CERT1: variants seen among roughly 807,000 people sequenced by gnomAD.
CERT1 encodes ceramide transfer protein.
A neutral mutation model predicts 87.9 loss-of-function variants in CERT1; 31 were observed. The observed-to-expected ratio is 0.35, with a 90% CI of 0.27 to 0.48. The LOEUF (loss-of-function observed/expected upper bound fraction) is 0.48, where lower values mean the gene tolerates loss of function less well. CERT1 is among the 20% of genes least tolerant of loss of function. The pLI is 0.99. For missense variants in CERT1, 487 were observed against 758.0 expected, an observed-to-expected ratio of 0.64 and a Z score of 4.20; for synonymous variants, 289 against 250.9, an observed-to-expected ratio of 1.15 and a Z score of -1.44.
chr5:75,385,665 A>G (rs1168287309), intron 13 of CERT1, among the ~76,000 whole-genome samples: 1 of 152,224 alleles, frequency 6.6e-6, no homozygotes, highest in Non-Finnish European at 1.5e-5. Flanking sequence ...ATGTAAAATA[A>G]GCAATAATAC....
Position 75,418,638 on chromosome 5 carries a change from A to G in CERT1, c.679+703T>C, listed in dbSNP as rs183536535. Among the ~76,000 whole-genome samples the G allele has an allele frequency of 1.1e-4, 17 of 152,356 alleles. No homozygotes were observed. In the East Asian group the frequency reaches 2.9e-3, roughly 26 times the overall value. The stretch of plus-strand genomic sequence containing the variant: ...ACAAACTATGGTATATCTATACAAT[A>G]AAATACTACTGAGCTATGAGAAGAA... On this transcript the variant is annotated intron_variant, in intron 6 of 16. Coordinates refer to ENST00000643780, the MANE Select transcript of CERT1 (RefSeq NM_001379029.1).
intron 14 of CERT1, among the ~76,000 whole-genome samples, chr5:75,383,243 T>C (rs1233748089): frequency 6.6e-6 from 1 of 152,096 alleles, no homozygotes; most frequent in East Asian, 1.9e-4. Flanking sequence ...CAGGACAATT[T>C]GTTTATTCCA....
intron 2 of CERT1, among the ~76,000 whole-genome samples, chr5:75,491,176 CCTT>C (rs1236186069): frequency 1.3e-5 from 2 of 151,982 alleles, no homozygotes; most frequent in African/African-American, 4.8e-5. Flanking sequence ...TTTTCAATAT[CCTT>C]CGTTTAATGG....
intron 2 of CERT1, among the ~76,000 whole-genome samples, chr5:75,477,647 T>TAAAAAAAAAAAAAAAAAAAAAAAAAA (rs540588442): frequency 7.8e-5 from 7 of 89,524 alleles, no homozygotes; most frequent in East Asian, 3.5e-4. Flanking sequence ...TAATAAGTTG[T>TAAAAAAAAAAAAAAAAAAAAAAAAAA]AAAAAAAAAA....
At chr5:75,466,262 A>G (rs1373664491) in intron 2 of CERT1, among the ~76,000 whole-genome samples, 4 of 152,184 alleles carry the variant, frequency 2.6e-5, no homozygotes, top group African/African-American at 9.6e-5. Context: ...CACTGTTTCC[A>G]TCAGCATCTG....
At chr5:75,508,635 AAT>A (rs2112481246) in intron 1 of CERT1, among the ~76,000 whole-genome samples, 1 of 152,288 alleles carries the variant, frequency 6.6e-6, no homozygotes, top group Non-Finnish European at 1.5e-5. Context: ...AGGGGAATCA[AAT>A]ATTACTGTGG....
At position 75,474,654 on chromosome 5, in the gene CERT1, A is replaced by T. The variant is rs140300967; in HGVS notation, c.232-15473T>A. ...CTACTAGAGAGACAGTCTCTTTAAC[A>T]AATCGTGTTAGGAAAACTGGATATC... On this transcript the variant is annotated intron_variant, in intron 2 of 16. Coordinates refer to ENST00000643780, the MANE Select transcript of CERT1 (RefSeq NM_001379029.1). 5.6e-3 allele frequency among the ~76,000 whole-genome samples: 848 copies of T among 152,262 alleles called. 4 individuals carry two copies. Among genetic ancestry groups the T allele is most frequent in the African/African-American group, 0.019 (796 of 41,566 alleles).
At chr5:75,435,654 A>G (rs978367539) in intron 3 of CERT1, among the ~76,000 whole-genome samples, 3 of 151,932 alleles carry the variant, frequency 2.0e-5, no homozygotes, top group Non-Finnish European at 2.9e-5. Context: ...AGTTGGGTTT[A>G]GTTGATTGGT....
At chr5:75,419,510 T>A in intron 5 of CERT1, 86 bp from the exon 6 acceptor site, 3 of 874,886 alleles carry the variant, frequency 3.4e-6, no homozygotes, top group East Asian at 2.7e-5. Context: ...CATTTTACTC[T>A]GGATTCTGAT....
At chr5:75,488,029 A>G (rs564425944) in intron 2 of CERT1, among the ~76,000 whole-genome samples, 1 of 152,216 alleles carries the variant, frequency 6.6e-6, no homozygotes, top group South Asian at 2.1e-4. Context: ...ATGAAAACAG[A>G]AAGTACAATG....
At chr5:75,476,476 G>A in intron 2 of CERT1, among the ~76,000 whole-genome samples, 1 of 152,110 alleles carries the variant, frequency 6.6e-6, no homozygotes, top group Admixed American at 6.5e-5. Flanking sequence ...TAACCTCAGA[G>A]CCGCTCTTTC....
At chr5:75,415,169 A>G (rs1763089153) in intron 7 of CERT1, among the ~76,000 whole-genome samples, 1 of 152,218 alleles carries the variant, frequency 6.6e-6, no homozygotes, top group South Asian at 2.1e-4. Context: ...CTGTGTGTAC[A>G]CACATGTGCA....
intron 12 of CERT1, among the ~76,000 whole-genome samples, chr5:75,389,091 C>G (rs1311227603): frequency 6.6e-6 from 1 of 152,122 alleles, no homozygotes; most frequent in Admixed American, 6.5e-5. Context: ...CTCTCAGTCC[C>G]TGCTCTTATT....
intron 5 of CERT1, among the ~76,000 whole-genome samples, chr5:75,422,474 G>A (rs1482089551): frequency 6.6e-6 from 1 of 152,076 alleles, no homozygotes; most frequent in East Asian, 1.9e-4. Flanking sequence ...CAATTAGCTG[G>A]GCATGGTGGT....
intron 3 of CERT1, among the ~76,000 whole-genome samples, chr5:75,439,348 T>G (rs1334713786): frequency 6.6e-6 from 1 of 151,900 alleles, no homozygotes; most frequent in Admixed American, 6.6e-5. Flanking sequence ...GAAAGTGGTA[T>G]AAAACATAGT....
chr5:75,465,108 T>A (rs1371101363), intron 2 of CERT1, among the ~76,000 whole-genome samples: 3 of 152,142 alleles, frequency 2.0e-5, no homozygotes, highest in African/African-American at 7.2e-5. Flanking sequence ...CTTGAAGAGT[T>A]TATATATACA....
intron 5 of CERT1, among the ~76,000 whole-genome samples, chr5:75,424,166 A>G (rs1432286799): frequency 6.6e-6 from 1 of 152,250 alleles, no homozygotes; most frequent in East Asian, 1.9e-4. Context: ...AATTGAAGAT[A>G]TCTTGTTTCT....
chr5:75,379,182 A>AAAC lies in CERT1; in HGVS notation c.*161_*163dup. ...AGGAAACAGAGCAAGACCCTGTTTAAAACAACAACAACGACAACAACAAAA... is the reference window on the plus strand; with the variant it reads ...AGGAAACAGAGCAAGACCCTGTTTAAAACAACAACAACAACGACAACAACAAAA... On this transcript the variant is annotated 3_prime_UTR_variant, in exon 17 of 17. Transcript: ENST00000643780. The AAAC allele has an allele frequency of 1.5e-6, 1 of 656,598 alleles. No homozygotes were observed. The highest frequency in any genetic ancestry group is 2.6e-6 in the Non-Finnish European group (1 of 390,264). 40.7% of individuals were successfully genotyped at this position (656,598 alleles called of 1,614,324 possible).
At position 75,425,490 on chromosome 5, in the gene CERT1, T is replaced by C; in HGVS notation, c.466A>G (p.Ser156Gly). 1 of 1,610,792 alleles carries C rather than the reference T, an allele frequency of 6.2e-7. No homozygotes were observed. The highest frequency in any genetic ancestry group is 8.5e-7 in the Non-Finnish European group (1 of 1,179,264). ...TSTSSFKKGH[S>G]LREKLAEMET... ...ATTTCAGCCAACTTCTCACGTAAACTGTGGCCTTTCTGCAAAACATAAAAT... is the reference window on the plus strand; with the variant it reads ...ATTTCAGCCAACTTCTCACGTAAACCGTGGCCTTTCTGCAAAACATAAAAT... The change falls in exon 5 of 17, where the codon AGT (serine) becomes GGT (glycine). Residue 156 changes from serine to glycine, a missense_variant. Coordinates refer to ENST00000643780, the MANE Select transcript of CERT1 (RefSeq NM_001379029.1).
Sources: gnomAD v4.1 joint callset for allele counts (sites outside exome capture counted in the v4.1 genomes callset) on GRCh38, gnomAD v4.1.1 for gene constraint, MANE v1.5 for transcripts, NCBI Gene and HGNC (gene_info 2026-07-23, HGNC 2026-07-21) for gene names.